The following SUGCT variants were observed in gnomAD, a reference collection of about 807,000 sequenced individuals.
The protein encoded by SUGCT is succinyl-CoA:glutarate-CoA transferase, also known as succinyl-CoA:glutarate CoA-transferase.
Under a neutral mutation model 55.0 loss-of-function variants are expected in SUGCT, and 41 were observed. The ratio of observed to expected loss-of-function variants is 0.74; its 90% CI spans 0.58 to 0.97. The LOEUF (loss-of-function observed/expected upper bound fraction) is 0.97, where lower values mean the gene tolerates loss of function less well. Among genes scored for constraint, SUGCT ranks in the 50% least tolerant of loss-of-function variants. The pLI is 0.00. For missense variants in SUGCT, 568 were observed against 547.8 expected (o/e 1.04, Z -0.37); for synonymous variants, 187 against 200.4 (o/e 0.93, Z 0.56).
At chr7:40,195,776 A>G (rs1264263182) in intron 6 of SUGCT, among the ~76,000 whole-genome samples, 2 of 123,574 alleles carry the variant, frequency 1.6e-5, no homozygotes, top group African/African-American at 3.1e-5. Context: ...GTTTAGTGGC[A>G]TGATCTCGGC....
At chr7:40,664,997 A>G (rs867237596) in intron 12 of SUGCT, among the ~76,000 whole-genome samples, 71 of 145,308 alleles carry the variant, frequency 4.9e-4, no homozygotes, top group African/African-American at 1.7e-3. Context: ...AAAAAAAAAA[A>G]TCTTTTTCTG....
At chr7:40,827,214 C>T (rs1015822246) in intron 13 of SUGCT, among the ~76,000 whole-genome samples, 3 of 152,056 alleles carry the variant, frequency 2.0e-5, no homozygotes, top group Non-Finnish European at 2.9e-5. Context: ...AAACTCAGAC[C>T]GCTGGGTCAA....
chr7:41,030,220 T>C, the SUGCT span, among the ~76,000 whole-genome samples: 3 of 152,194 alleles, frequency 2.0e-5, no homozygotes, highest in East Asian at 3.9e-4. Context: ...CAGGTTTTTA[T>C]GTGGACATAA....
intron 12 of SUGCT, among the ~76,000 whole-genome samples, chr7:40,675,376 A>C (rs1783920304): frequency 6.6e-6 from 1 of 152,198 alleles, no homozygotes; most frequent in Non-Finnish European, 1.5e-5. Context: ...CAAATCTTCT[A>C]ATGTGTAATC....
At chr7:40,415,066 A>ATCTATCTATCTG (rs1369884639) in intron 9 of SUGCT, among the ~76,000 whole-genome samples, 40 of 71,182 alleles carry the variant, frequency 5.6e-4, no homozygotes, top group Non-Finnish European at 9.2e-4. Context: ...AAAAAAATCT[A>ATCTATCTATCTG]TCTATCTATC....
At chr7:40,197,178 T>C (rs1048349344) in intron 6 of SUGCT, among the ~76,000 whole-genome samples, 7 of 152,144 alleles carry the variant, frequency 4.6e-5, no homozygotes, top group African/African-American at 1.7e-4. Context: ...CTGTACTTGG[T>C]AGATGATTCT....
intron 12 of SUGCT, among the ~76,000 whole-genome samples, chr7:40,639,200 T>C (rs983806170): frequency 7.2e-5 from 11 of 152,204 alleles, no homozygotes; most frequent in Non-Finnish European, 1.5e-4. Context: ...TTATTAGTAC[T>C]CCTTGTAGGT....
chr7:40,419,564 C>T (rs1787194732), intron 9 of SUGCT, among the ~76,000 whole-genome samples: 1 of 152,188 alleles, frequency 6.6e-6, no homozygotes, highest in African/African-American at 2.4e-5. Flanking sequence ...AGCTCCCTCT[C>T]CATATTTTCT....
chr7:40,783,733 C>G (rs1295428235), intron 13 of SUGCT: 1 of 152,042 alleles, frequency 6.6e-6, no homozygotes, highest in Non-Finnish European at 1.5e-5. Context: ...GAAAATATAC[C>G]AATGTAGATG....
At chr7:40,160,450 A>G (rs1784091339) in intron 1 of SUGCT, among the ~76,000 whole-genome samples, 1 of 152,154 alleles carries the variant, frequency 6.6e-6, no homozygotes, top group African/African-American at 2.4e-5. Flanking sequence ...GCTGGTCTCA[A>G]GCTCCTGACC....
At chr7:40,490,743 T>C (rs975026587) in intron 11 of SUGCT, among the ~76,000 whole-genome samples, 17 of 152,206 alleles carry the variant, frequency 1.1e-4, no homozygotes, top group African/African-American at 3.9e-4. Flanking sequence ...TGAGATCTTA[T>C]GACTCTGGAA....
chr7:40,860,515 G>A lies in SUGCT; in HGVS notation c.*36G>A, dbSNP rs773318952. The A allele has an allele frequency of 1.6e-5, 25 of 1,582,062 alleles. 1 individual carries two copies. Among genetic ancestry groups the A allele is most frequent in the South Asian group, 4.6e-5 (4 of 86,506 alleles). ...GGGCTCTTCCTCATAACCTCGATCC[G>A]AATACACTGGCAAAGGCAACACTTT... is the stretch of plus-strand genomic sequence containing the variant. On this transcript the variant is annotated 3_prime_UTR_variant, in exon 14 of 14. Coordinates refer to ENST00000335693, the MANE Select transcript of SUGCT (RefSeq NM_001193313.2).
chr7:40,860,185 G>A, intron 13 of SUGCT, 131 bp from the exon 14 acceptor site: 1 of 1,026,736 alleles, frequency 9.7e-7, no homozygotes, highest in Non-Finnish European at 1.5e-6. Flanking sequence ...AAACGTTGAT[G>A]CATCTGGAAG....
rs78659587 is a variant in SUGCT at position 40,227,108 on chromosome 7, G to A, written c.485-10527G>A. On this transcript the variant is annotated intron_variant, in intron 6 of 13. Coordinates refer to ENST00000335693, the MANE Select transcript of SUGCT (RefSeq NM_001193313.2). Reference sequence around the variant, plus strand: ...GTCTCCCAGGCTGGAGTGCAGTGGCGCTGTATCGGCTCACTGCAACCATCA... The same window carrying A: ...GTCTCCCAGGCTGGAGTGCAGTGGCACTGTATCGGCTCACTGCAACCATCA... 1.5e-3 allele frequency among the ~76,000 whole-genome samples: 206 copies of A among 140,852 alleles called. 1 individual carries two copies. The East Asian group carries it at 0.022, about 15-fold the overall frequency. 92.4% of individuals were successfully genotyped at this position (140,852 alleles called of 152,430 possible).
chr7:40,806,884 T>C (rs573810102), intron 13 of SUGCT, among the ~76,000 whole-genome samples: 1 of 152,330 alleles, frequency 6.6e-6, no homozygotes, highest in East Asian at 1.9e-4. Context: ...GGATGCAGCA[T>C]GGTCTCCATG....
chr7:40,200,429 GT>G (rs1206364968), intron 6 of SUGCT, among the ~76,000 whole-genome samples: 6 of 151,190 alleles, frequency 4.0e-5, no homozygotes, highest in South Asian at 4.2e-4. Context: ...GTCAGGGAAG[GT>G]TTTTTTTTGA....
intron 12 of SUGCT, among the ~76,000 whole-genome samples, chr7:40,677,878 C>A (rs1784071758): frequency 6.6e-6 from 1 of 152,138 alleles, no homozygotes; most frequent in Admixed American, 6.6e-5. Context: ...CTTGGGTGAT[C>A]TTGACTGTTA....
At chr7:40,482,007 A>G (rs1791079309) in intron 11 of SUGCT, among the ~76,000 whole-genome samples, 1 of 152,164 alleles carries the variant, frequency 6.6e-6, no homozygotes, top group African/African-American at 2.4e-5. Flanking sequence ...AATGCCTTGT[A>G]TTTACTAGGA....
chr7:40,236,917 T>G (rs1466009426), intron 6 of SUGCT, among the ~76,000 whole-genome samples: 1 of 152,038 alleles, frequency 6.6e-6, no homozygotes, highest in Non-Finnish European at 1.5e-5. Flanking sequence ...CAATGCAACC[T>G]CCACCTCCTG....
Sources: allele counts gnomAD v4.1 joint callset (sites outside exome capture counted in the v4.1 genomes callset), GRCh38; gene constraint gnomAD v4.1.1; transcripts MANE v1.5; gene names NCBI Gene and HGNC (gene_info 2026-07-23, HGNC 2026-07-21).